Variants in ACSM3 observed in about 807,000 individuals in gnomAD.
The protein encoded by ACSM3 is acyl-CoA synthetase medium chain family member 3.
In ACSM3, 61 loss-of-function variants were observed where a neutral mutation model predicts 74.1. The observed-to-expected ratio is 0.82, with a 90% CI of 0.67 to 1.02. ACSM3 has a LOEUF of 1.02. Among genes scored for constraint, ACSM3 ranks in the 50% least tolerant of loss-of-function variants. The probability of loss-of-function intolerance (pLI) is 0.00; values close to 1 mark genes in which losing one functional copy is unlikely to be tolerated. For missense variants in ACSM3, 660 were observed against 697.0 expected (o/e 0.95, Z 0.60); for synonymous variants, 213 against 241.5 (o/e 0.88, Z 1.09).
chr16:20,748,166 GATAAATAA>G lies in ACSM3; in HGVS notation c.-189-1734_-189-1727del, dbSNP rs1321584935. On this transcript the variant is annotated intron_variant, in intron 1 of 3. Coordinates refer to the ACSM3 transcript ENST00000561584. ...AAATAAATAAATAAATAAATAGATA[GATAAATAA>G]ATAAATAAACAAAGAGTCTAGGGTA... is the stretch of plus-strand genomic sequence containing the variant. 1.1e-4 allele frequency among the ~76,000 whole-genome samples: 17 copies of G among 151,224 alleles called. No individual in the cohort carries two copies. The East Asian group carries it at 3.3e-3, about 29-fold the overall frequency.
chr16:20,791,447 A>G (rs2080595187), intron 10 of ACSM3, among the ~76,000 whole-genome samples: 1 of 152,212 alleles, frequency 6.6e-6, no homozygotes, highest in Admixed American at 6.5e-5. Flanking sequence ...TGCAATATTT[A>G]TTTTGTAATC....
chr16:20,767,516 C>CAAAAAAAAA, intron 1 of ACSM3, among the ~76,000 whole-genome samples: 1 of 4,490 alleles, frequency 2.2e-4, no homozygotes, highest in South Asian at 0.023. Context: ...GACTCCGTCT[C>CAAAAAAAAA]AAAAAAAAAA....
At chr16:20,742,115 G>A in intron 1 of ACSM3, 1 of 1,188,614 alleles carries the variant, frequency 8.4e-7, no homozygotes, top group Non-Finnish European at 1.1e-6. Context: ...GCCAGCTACT[G>A]TGGAGGAAAA....
chr16:20,781,912 T>A, intron 7 of ACSM3, 125 bp downstream of exon 7: 1 of 675,892 alleles, frequency 1.5e-6, no homozygotes, highest in South Asian at 1.8e-5. Context: ...CAATCTCTCC[T>A]CTTCCTCTTT....
chr16:20,794,146 A>G (rs182698460), intron 12 of ACSM3, among the ~76,000 whole-genome samples: 3 of 152,318 alleles, frequency 2.0e-5, no homozygotes, highest in Admixed American at 2.0e-4. Context: ...TTCTGCTGCC[A>G]GGCCTATTCT....
At chr16:20,690,022 T>C (rs1375738642) in intron 1 of ACSM3, among the ~76,000 whole-genome samples, 1 of 152,214 alleles carries the variant, frequency 6.6e-6, no homozygotes, top group Non-Finnish European at 1.5e-5. Flanking sequence ...TGCAAGGTGA[T>C]TGCCAAGGCA....
chr16:20,722,077 T>C (rs1219544242), intron 1 of ACSM3: 1 of 152,232 alleles, frequency 6.6e-6, no homozygotes, highest in African/African-American at 2.4e-5. Flanking sequence ...AGGGTCTGGA[T>C]CCTCATTCAA....
At chr16:20,700,727 G>A (rs995419075) in intron 1 of ACSM3, among the ~76,000 whole-genome samples, 1 of 151,992 alleles carries the variant, frequency 6.6e-6, no homozygotes, top group African/African-American at 2.4e-5. Flanking sequence ...GATTTTAGGA[G>A]GAAAGAGACA....
intron 1 of ACSM3, chr16:20,738,960 T>G: frequency 6.2e-7 from 1 of 1,614,226 alleles, no homozygotes; most frequent in South Asian, 1.1e-5. Context: ...TGGAATCTTC[T>G]TAACCTCATC....
At position 20,796,833 on chromosome 16, in the gene ACSM3, T is replaced by C. The variant is rs914241751; in HGVS notation, c.1675-53T>C. The stretch of plus-strand genomic sequence containing the variant: ...TAATCAAACTGCTATATAATTGGCT[T>C]TATGTAAAGATAAAAATTTCCAGGC... On this transcript the variant is annotated intron_variant, in intron 13 of 13. Coordinates refer to ENST00000289416, the MANE Select transcript of ACSM3 (RefSeq NM_005622.4). The C allele has an allele frequency of 5.6e-6, 9 of 1,604,830 alleles. No homozygotes were observed. In the African/African-American group the frequency reaches 1.1e-4, roughly 19 times the overall value.
chr16:20,780,719 C>A lies in ACSM3; in HGVS notation c.644C>A (p.Ala215Asp). ...WGNLKELMKH[A>D]SDSHTCVKTK... ...TTGTAGTTTTTCCTTTGCAGACATG[C>A]CAGTGACAGCCACACCTGTGTGAAG... Residue 215 changes from alanine to aspartate, a missense_variant, in exon 5 of 14, where the codon GCC becomes GAC. Coordinates refer to ENST00000289416, the MANE Select transcript of ACSM3 (RefSeq NM_005622.4). 1 of 1,614,132 alleles carries A rather than the reference C, an allele frequency of 6.2e-7. No individual in the cohort carries two copies. The highest frequency in any genetic ancestry group is 1.7e-4 in the Middle Eastern group (1 of 6,060).
intron 1 of ACSM3, among the ~76,000 whole-genome samples, chr16:20,675,193 A>G (rs1299156263): frequency 1.3e-5 from 2 of 152,068 alleles, no homozygotes; most frequent in African/African-American, 2.4e-5. Flanking sequence ...GTGGGAATCT[A>G]ACTAGGCTCA....
chr16:20,762,146 C>T (rs966026459), upstream of ACSM3, among the ~76,000 whole-genome samples: 1 of 152,198 alleles, frequency 6.6e-6, no homozygotes, highest in Non-Finnish European at 1.5e-5. Flanking sequence ...AAACTTGCCT[C>T]AGTCTCTCAC....
At chr16:20,758,256 T>C (rs2152440583) in intron 3 of ACSM3, among the ~76,000 whole-genome samples, 1 of 152,364 alleles carries the variant, frequency 6.6e-6, no homozygotes, top group South Asian at 2.1e-4. Context: ...TGTGAATCCA[T>C]CTGGTCCTGG....
intron 8 of ACSM3, among the ~76,000 whole-genome samples, 168 bp downstream of exon 8, chr16:20,785,275 A>T (rs1207888743): frequency 6.6e-6 from 1 of 152,252 alleles, no homozygotes; most frequent in Non-Finnish European, 1.5e-5. Context: ...AAGCTCTGTT[A>T]ACAGATAGTT....
chr16:20,777,094 A>G (rs1027999041), intron 3 of ACSM3, among the ~76,000 whole-genome samples: 1 of 152,208 alleles, frequency 6.6e-6, no homozygotes, highest in African/African-American at 2.4e-5. Context: ...TTACTTTTCA[A>G]TCAAAACCTT....
chr16:20,779,471 G>A (rs1358769061), intron 4 of ACSM3, among the ~76,000 whole-genome samples: 1 of 151,260 alleles, frequency 6.6e-6, no homozygotes, highest in Non-Finnish European at 1.5e-5. Flanking sequence ...AAAGAAAATA[G>A]CTTTTCTATA....
At chr16:20,717,938 A>G (rs12927863) in intron 1 of ACSM3, among the ~76,000 whole-genome samples, 4,779 of 100,332 alleles carry the variant, frequency 0.048, 378 homozygotes, top group East Asian at 0.1. Context: ...AAGGAGAAGG[A>G]GAAGAGGAAG....
At chr16:20,761,026 C>A (rs1156316982), upstream of ACSM3, among the ~76,000 whole-genome samples, 1 of 152,196 alleles carries the variant, frequency 6.6e-6, no homozygotes, top group African/African-American at 2.4e-5. Context: ...TTTAAATCCA[C>A]CTATTACCTG....
Sources: allele counts gnomAD v4.1 joint callset (sites outside exome capture counted in the v4.1 genomes callset), GRCh38; gene constraint gnomAD v4.1.1; transcripts MANE v1.5; gene names NCBI Gene and HGNC (gene_info 2026-07-23, HGNC 2026-07-21).